Variants in TNR observed in about 807,000 individuals in gnomAD.
TNR encodes tenascin-R.
Under a neutral mutation model 150.4 loss-of-function variants are expected in TNR, and 45 were observed. That is an observed-to-expected ratio of 0.30 (90% CI 0.24 to 0.38). The LOEUF is 0.38. TNR is among the 10% of genes least tolerant of loss of function. The pLI, the probability that TNR is intolerant of heterozygous loss-of-function variation, is 1.00. For missense variants in TNR, 1,544 were observed against 1,759.1 expected (o/e 0.88, Z 2.19); for synonymous variants, 687 against 678.4 (o/e 1.01, Z -0.20).
In TNR at chr1:175,731,960, G is replaced by A. The variant is rs533359788; in HGVS notation, c.-165+11266C>T. On this transcript the variant is annotated intron_variant, in intron 1 of 22. Transcript: ENST00000367674. ...GGCATGTTGTGGGTGGCTATAAAGT[G>A]CTGAACATTCCACCTGCTTCTTCTG... Among the ~76,000 whole-genome samples the A allele has an allele frequency of 5.9e-5, 9 of 152,320 alleles. No individual in the cohort carries two copies. The South Asian group carries it at 1.9e-3, about 32-fold the overall frequency.
intron 1 of TNR, among the ~76,000 whole-genome samples, chr1:175,571,502 C>G (rs971630004): frequency 6.6e-6 from 1 of 152,214 alleles, no homozygotes; most frequent in Middle Eastern, 3.2e-3. Context: ...TGTTAAAAAG[C>G]TGGCAAGTGC....
chr1:175,703,949 G>A (rs1666772416), intron 1 of TNR, among the ~76,000 whole-genome samples: 1 of 152,080 alleles, frequency 6.6e-6, no homozygotes, highest in African/African-American at 2.4e-5. Context: ...ATATTAATTG[G>A]TATTGTATTG....
At chr1:175,388,629 G>A (rs570553795) in intron 7 of TNR, among the ~76,000 whole-genome samples, 1 of 152,326 alleles carries the variant, frequency 6.6e-6, no homozygotes, top group East Asian at 1.9e-4. Flanking sequence ...TGGTAGCAAT[G>A]TTCCATTCCA....
intron 2 of TNR, among the ~76,000 whole-genome samples, chr1:175,512,769 T>C (rs759478812): frequency 4.6e-5 from 7 of 152,232 alleles, no homozygotes; most frequent in Non-Finnish European, 1.0e-4. Context: ...CGTGGGTTCC[T>C]GGAAACGCAT....
At chr1:175,545,889 G>T (rs1660666180) in intron 1 of TNR, among the ~76,000 whole-genome samples, 1 of 152,202 alleles carries the variant, frequency 6.6e-6, no homozygotes, top group Non-Finnish European at 1.5e-5. Flanking sequence ...CTGGGAAGAG[G>T]ATATGCCAGA....
chr1:175,712,221 G>A (rs1667037393), intron 1 of TNR, among the ~76,000 whole-genome samples: 1 of 152,076 alleles, frequency 6.6e-6, no homozygotes, highest in Non-Finnish European at 1.5e-5. Flanking sequence ...GGCATCTTAG[G>A]CTTTGAGAAC....
At chr1:175,363,538 G>T (rs1404874462) in intron 13 of TNR, among the ~76,000 whole-genome samples, 170 bp downstream of exon 13, 2 of 152,196 alleles carry the variant, frequency 1.3e-5, no homozygotes, top group Non-Finnish European at 2.9e-5. Context: ...AGAGGCATTG[G>T]TGAGTGTGGG....
At chr1:175,733,686 C>A (rs1278355269) in intron 1 of TNR, among the ~76,000 whole-genome samples, 2 of 152,118 alleles carry the variant, frequency 1.3e-5, no homozygotes, top group African/African-American at 4.8e-5. Flanking sequence ...TCCCCACACC[C>A]TACTCGGAAC....
chr1:175,552,899 T>C (rs567996682), intron 1 of TNR, among the ~76,000 whole-genome samples: 2 of 152,260 alleles, frequency 1.3e-5, no homozygotes, highest in African/African-American at 2.4e-5. Flanking sequence ...AAACCGTGAG[T>C]ATAGTGTTGA....
intron 2 of TNR, among the ~76,000 whole-genome samples, chr1:175,419,168 T>C (rs998837676): frequency 5.3e-5 from 8 of 152,208 alleles, no homozygotes; most frequent in Non-Finnish European, 1.0e-4. Flanking sequence ...TGCTCTCCAT[T>C]AAGTTATACT....
chr1:175,359,880 C>T, intron 14 of TNR, 149 bp from the exon 15 acceptor site: 1 of 1,057,748 alleles, frequency 9.5e-7, no homozygotes, highest in Non-Finnish European at 1.3e-6. Flanking sequence ...CCTTTCTCCT[C>T]TTCTGGTTCC....
rs771393411 is a variant in TNR, at chr1:175,391,425, C to G, written c.1370G>C (p.Gly457Ala). ...ATCGCTGGGGACCTGAGCAATCACT[C>G]CCCCTTCATTGTTCTGGACAGTGGG... is the stretch of plus-strand genomic sequence containing the variant. ...ISFIPKNNEG[G>A]VIAQVPSDVT... The change falls in exon 7 of 23, where the codon GGA becomes GCA. Residue 457 changes from glycine (G) to alanine (A), a missense_variant. Gly to Ala is a moderately conservative substitution (Grantham distance 60). Transcript: ENST00000367674. 5.0e-5 allele frequency: 81 copies of G among 1,613,896 alleles called. No individual in the cohort carries two copies. Among genetic ancestry groups the G allele is most frequent in the Admixed American group, 1.2e-4 (7 of 59,988 alleles).
chr1:175,417,367 A>C (rs1186331950), intron 2 of TNR, among the ~76,000 whole-genome samples: 1 of 152,112 alleles, frequency 6.6e-6, no homozygotes, highest in African/African-American at 2.4e-5. Flanking sequence ...GTATAGAATC[A>C]ACAAAGTTAA....
At chr1:175,340,234 G>A (rs945675596) in intron 18 of TNR, among the ~76,000 whole-genome samples, 15 of 152,070 alleles carry the variant, frequency 9.9e-5, no homozygotes, top group Non-Finnish European at 1.9e-4. Flanking sequence ...CGGGGGGCGG[G>A]TACTCCCCAG....
At chr1:175,719,178 A>C (rs1359228579) in intron 1 of TNR, among the ~76,000 whole-genome samples, 4 of 152,206 alleles carry the variant, frequency 2.6e-5, no homozygotes. Flanking sequence ...CCAAAAAGTG[A>C]GGATATGGAG....
intron 1 of TNR, among the ~76,000 whole-genome samples, chr1:175,612,084 A>T (rs557312118): frequency 2.2e-4 from 33 of 152,266 alleles, no homozygotes; most frequent in Non-Finnish European, 4.7e-4. Flanking sequence ...CCTTTCTAGG[A>T]TGCAGTATGA....
At chr1:175,455,384 A>G (rs1656525758) in intron 2 of TNR, among the ~76,000 whole-genome samples, 1 of 152,266 alleles carries the variant, frequency 6.6e-6, no homozygotes, top group South Asian at 2.1e-4. Context: ...TGCATTTTAA[A>G]TGAAAAACGA....
At chr1:175,582,714 G>A (rs1662404775) in intron 1 of TNR, among the ~76,000 whole-genome samples, 1 of 152,084 alleles carries the variant, frequency 6.6e-6, no homozygotes, top group Non-Finnish European at 1.5e-5. Context: ...GTAGATGAAA[G>A]GTGTAATGGT....
intron 2 of TNR, among the ~76,000 whole-genome samples, chr1:175,417,063 G>T (rs185329050): frequency 6.3e-4 from 83 of 131,276 alleles, no homozygotes; most frequent in East Asian, 2.1e-3. Flanking sequence ...AAGAAAGAAA[G>T]AAAGAAAGAA....
Sources: allele counts gnomAD v4.1 joint callset (sites outside exome capture counted in the v4.1 genomes callset), GRCh38; gene constraint gnomAD v4.1.1; transcripts MANE v1.5; gene names NCBI Gene and HGNC (gene_info 2026-07-23, HGNC 2026-07-21).